The following LYG2 variants were observed in gnomAD, a reference collection of about 807,000 sequenced individuals.
The protein encoded by LYG2 is lysozyme g2, also known as lysozyme g-like protein 2.
A neutral mutation model predicts 22.4 loss-of-function variants in LYG2; 25 were observed. The ratio of observed to expected loss-of-function variants is 1.12; its 90% CI spans 0.81 to 1.56. The LOEUF is 1.56. Among genes scored for constraint, LYG2 ranks in the 40% most tolerant of loss-of-function variants. LYG2 has a pLI of 0.00. For synonymous variants in LYG2, 88 were observed against 97.0 expected, an observed-to-expected ratio of 0.91 and a Z score of 0.55; for missense variants, 266 against 269.5, an observed-to-expected ratio of 0.99 and a Z score of 0.09.
chr2:99,252,748 A>T (rs1380498331), intron 3 of LYG2, among the ~76,000 whole-genome samples: 4 of 152,112 alleles, frequency 2.6e-5, no homozygotes, highest in Non-Finnish European at 5.9e-5. Context: ...GAAGCTTATT[A>T]AAAATGCTTA....
At chr2:99,254,594 C>CT (rs2094032723) in intron 2 of LYG2, among the ~76,000 whole-genome samples, 5 of 151,874 alleles carry the variant, frequency 3.3e-5, no homozygotes, top group Admixed American at 1.3e-4. Flanking sequence ...TGTTCCCTTT[C>CT]TTTTTAAAAA....
At chr2:99,258,650 G>T (rs1236265116), upstream of LYG2, among the ~76,000 whole-genome samples, 9 of 152,202 alleles carry the variant, frequency 5.9e-5, no homozygotes. Context: ...TGGGGGAGCT[G>T]CCCAAGAATA....
chr2:99,247,022 G>A (rs531209853), intron 3 of LYG2, among the ~76,000 whole-genome samples: 6 of 152,314 alleles, frequency 3.9e-5, no homozygotes, highest in East Asian at 3.9e-4. Flanking sequence ...AACACAGGAC[G>A]TAATCTGAAA....
rs867077412 is a variant in LYG2, at chr2:99,242,295, A to G, written c.*69T>C. On this transcript the variant is annotated 3_prime_UTR_variant, in exon 7 of 7. Transcript: ENST00000333017. ...TCTTTGCCAGTGTTGTATACAACAC[A>G]TTCACGTAAAACTCTCAAAGGCGGC... The G allele has an allele frequency of 2.6e-6, 2 of 776,654 alleles. No homozygotes were observed. The highest frequency in any genetic ancestry group is 3.5e-5 in the African/African-American group (2 of 57,124). 48.1% of individuals were successfully genotyped at this position (776,654 alleles called of 1,614,324 possible).
At chr2:99,260,111 A>G (rs2094044549), upstream of LYG2, among the ~76,000 whole-genome samples, 1 of 151,906 alleles carries the variant, frequency 6.6e-6, no homozygotes, top group African/African-American at 2.4e-5. Context: ...ACAGGTGCCC[A>G]CCACCACACC....
intron 6 of LYG2, 115 bp downstream of exon 6, chr2:99,243,884 C>T: frequency 8.0e-7 from 1 of 1,244,950 alleles, no homozygotes; most frequent in African/African-American, 1.5e-5. Flanking sequence ...TAGACAGCTC[C>T]TCCCAGGGCC....
At chr2:99,252,656 G>C (rs2094028647) in intron 3 of LYG2, among the ~76,000 whole-genome samples, 1 of 152,186 alleles carries the variant, frequency 6.6e-6, no homozygotes, top group Admixed American at 6.5e-5. Flanking sequence ...TATATTGACA[G>C]GTTCAGTATC....
intron 3 of LYG2, among the ~76,000 whole-genome samples, chr2:99,249,489 G>A (rs995225402): frequency 5.9e-5 from 9 of 151,570 alleles, no homozygotes; most frequent in South Asian, 2.1e-4. Flanking sequence ...CTGGTTGGGC[G>A]TGGTGGCTCA....
intron 3 of LYG2, among the ~76,000 whole-genome samples, chr2:99,247,808 G>T (rs1472114678): frequency 6.6e-6 from 1 of 151,714 alleles, no homozygotes; most frequent in Non-Finnish European, 1.5e-5. Context: ...TACAAAATGG[G>T]AGAAAATTTT....
At position 99,246,758 on chromosome 2, in the gene LYG2, A is replaced by G. The variant is rs140433712; in HGVS notation, c.106T>C (p.Tyr36His). Residue 36 changes from tyrosine to histidine, a missense_variant, in exon 4 of 7, where the codon TAC becomes CAC. By Grantham distance (83) the Tyr-to-His change is moderately conservative (BLOSUM62 2). Transcript: ENST00000333017. Reference sequence around the variant, plus strand: ...ATGATGTCCCCATAGCAGCCGTGGTACAGGCGTGGATGTAGGTGAGGCTTC... The same window carrying G: ...ATGATGTCCCCATAGCAGCCGTGGTGCAGGCGTGGATGTAGGTGAGGCTTC... ...SMKPHLHPRLYHGCYGDIMTM... is the reference protein window; with the variant it reads ...SMKPHLHPRLHHGCYGDIMTM... 11 of 1,614,038 alleles carry G rather than the reference A, an allele frequency of 6.8e-6. No individual in the cohort carries two copies. The highest frequency in any genetic ancestry group is 9.3e-6 in the Non-Finnish European group (11 of 1,180,010).
intron 6 of LYG2, 33 bp downstream of exon 6, chr2:99,243,966 T>C (rs751641177): frequency 6.2e-7 from 1 of 1,613,330 alleles, no homozygotes; most frequent in Non-Finnish European, 8.5e-7. Flanking sequence ...CATTCATTGC[T>C]CATTTAAACA....
rs1251452284 is a variant in LYG2, at chr2:99,245,454, G to A, written c.189C>T (p.Ile63=). The A allele has an allele frequency of 6.3e-7, 1 of 1,591,824 alleles. No individual in the cohort carries two copies. Among genetic ancestry groups the A allele is most frequent in the Middle Eastern group, 1.7e-4 (1 of 5,992 alleles). ...CDANSVMNCG[I]RGSEMFAEMD... ...TCTCAGCAAACATTTCAGAACCACGGATCCCTACGTCAATAGAAAAGAAAC... is the reference window on the plus strand; with the variant it reads ...TCTCAGCAAACATTTCAGAACCACGAATCCCTACGTCAATAGAAAAGAAAC... Residue 63 remains isoleucine, a synonymous_variant, in exon 5 of 7, where the codon ATC becomes ATT. Transcript: ENST00000333017.
Position 99,243,984 on chromosome 2 carries a change from C to T in LYG2, c.520+15G>A. 1 of 1,613,894 alleles carries T rather than the reference C, an allele frequency of 6.2e-7. No homozygotes were observed. The highest frequency in any genetic ancestry group is 1.7e-4 in the Middle Eastern group (1 of 6,042). On this transcript the variant is annotated intron_variant, in intron 6 of 6. Transcript: ENST00000333017. ...TCATTGCTCATTTAAACAAAGTACT[C>T]AGAATACAGCCTACCTTTGAGGTGC...
At chr2:99,253,764 C>G (rs548814954) in intron 3 of LYG2, among the ~76,000 whole-genome samples, 2 of 152,306 alleles carry the variant, frequency 1.3e-5, no homozygotes, top group African/African-American at 4.8e-5. Context: ...ACATGTCCCC[C>G]CCAAAAGCCT....
chr2:99,243,886 C>G, intron 6 of LYG2, 113 bp downstream of exon 6: 2 of 1,283,504 alleles, frequency 1.6e-6, no homozygotes, highest in Non-Finnish European at 2.2e-6. Flanking sequence ...GACAGCTCCT[C>G]CCAGGGCCAC....
chr2:99,257,065 C>T (rs367679853), upstream of LYG2, among the ~76,000 whole-genome samples: 1 of 152,168 alleles, frequency 6.6e-6, no homozygotes, highest in African/African-American at 2.4e-5. Flanking sequence ...TCCACTGTAT[C>T]GAAGTGCCAG....
At chr2:99,243,896 C>G (rs964823287) in intron 6 of LYG2, 103 bp downstream of exon 6, 4 of 1,412,444 alleles carry the variant, frequency 2.8e-6, no homozygotes, top group Non-Finnish European at 4.0e-6. Context: ...CCCAGGGCCA[C>G]TGCTGACCCC....
chr2:99,250,618 C>T (rs906364968), intron 3 of LYG2, among the ~76,000 whole-genome samples: 2 of 152,288 alleles, frequency 1.3e-5, no homozygotes, highest in East Asian at 1.9e-4. Context: ...TTGTGATCCG[C>T]CCACCTTGGC....
chr2:99,248,446 A>G (rs2094020151), intron 3 of LYG2, among the ~76,000 whole-genome samples: 1 of 152,116 alleles, frequency 6.6e-6, no homozygotes, highest in Non-Finnish European at 1.5e-5. Flanking sequence ...CATGGATGAA[A>G]TTGGAAATCA....
Sources: gnomAD v4.1 joint callset for allele counts (sites outside exome capture counted in the v4.1 genomes callset) on GRCh38, gnomAD v4.1.1 for gene constraint, MANE v1.5 for transcripts, NCBI Gene and HGNC (gene_info 2026-07-23, HGNC 2026-07-21) for gene names.